The following MOCOS variants were observed in gnomAD, a reference collection of about 807,000 sequenced individuals.
The protein encoded by MOCOS is human molybdenum cofactor sulfurase.
Under a neutral mutation model 83.6 loss-of-function variants are expected in MOCOS, and 86 were observed. The ratio of observed to expected loss-of-function variants is 1.03; its 90% CI spans 0.86 to 1.23. The LOEUF (loss-of-function observed/expected upper bound fraction) is 1.23. Among genes scored for constraint, MOCOS ranks in the 50% most tolerant of loss-of-function variants. The pLI is 0.00. For synonymous variants in MOCOS, 445 were observed against 434.7 expected (o/e 1.02, Z -0.29); for missense variants, 1,120 against 1,126.9 (o/e 0.99, Z 0.09).
intron 9 of MOCOS, among the ~76,000 whole-genome samples, chr18:36,228,157 A>G (rs2091524710): frequency 6.6e-6 from 1 of 152,250 alleles, no homozygotes; most frequent in Non-Finnish European, 1.5e-5. Context: ...CAGAATGAGT[A>G]TTATTAAAAA....
chr18:36,197,385 T>C (rs2091392979), intron 2 of MOCOS, among the ~76,000 whole-genome samples: 3 of 152,288 alleles, frequency 2.0e-5, no homozygotes, highest in South Asian at 4.1e-4. Context: ...CTGGCCTGCT[T>C]CTGAGCTGAC....
Position 36,268,547 on chromosome 18 carries a change from G to A in MOCOS, c.2529G>A (p.Met843Ile). 1 of 1,614,130 alleles carries A rather than the reference G, an allele frequency of 6.2e-7. No individual in the cohort carries two copies. The highest frequency in any genetic ancestry group is 8.5e-7 in the Non-Finnish European group (1 of 1,180,026). Residue 843 changes from methionine (M) to isoleucine (I), a missense_variant, in exon 15 of 15, where the codon ATG becomes ATA. Met to Ile is a conservative substitution (Grantham distance 10, BLOSUM62 1). Coordinates refer to ENST00000261326, the MANE Select transcript of MOCOS (RefSeq NM_017947.4). ...TTTGTTCACAGGTGAACTTTGGCAT[G>A]TACCTGATGCATGCATCATTGGATT... ...ESRETKVNFG[M>I]YLMHASLDLS...
chr18:36,231,388 T>C (rs1359029161), intron 9 of MOCOS, among the ~76,000 whole-genome samples: 1 of 152,222 alleles, frequency 6.6e-6, no homozygotes. Context: ...ATTAAATTAT[T>C]CTTGTTCAAG....
Position 36,268,542 on chromosome 18 carries a change from G to C in MOCOS, c.2524G>C (p.Gly842Arg). 1 of 1,614,052 alleles carries C rather than the reference G, an allele frequency of 6.2e-7. No individual in the cohort carries two copies. The highest frequency in any genetic ancestry group is 2.2e-5 in the East Asian group (1 of 44,878). Residue 842 changes from glycine to arginine, a missense_variant, in exon 15 of 15, where the codon GGC (glycine) becomes CGC (arginine). Physicochemically the swap from Gly to Arg is moderately radical, Grantham distance 125. Coordinates refer to ENST00000261326, the MANE Select transcript of MOCOS (RefSeq NM_017947.4). ...GCTGTTTTGTTCACAGGTGAACTTT[G>C]GCATGTACCTGATGCATGCATCATT... is the stretch of plus-strand genomic sequence containing the variant. ...SESRETKVNFGMYLMHASLDL... is the reference protein window; with the variant it reads ...SESRETKVNFRMYLMHASLDL...
At position 36,270,384 on chromosome 18, in the gene MOCOS, A is replaced by T. The variant is rs1395736647; in HGVS notation, c.*1699A>T. The T allele has an allele frequency of 6.6e-6, 1 of 152,158 alleles. No individual in the cohort carries two copies. The highest frequency in any genetic ancestry group is 1.5e-5 in the Non-Finnish European group (1 of 68,052). The allele number at this position is 152,158 out of a possible 1,614,324, so 9.4% of individuals were successfully genotyped here. A position where few individuals can be genotyped will look rare whatever the true frequency, so the allele number is the denominator to read the frequency against. On this transcript the variant is annotated 3_prime_UTR_variant, in exon 15 of 15. Transcript: ENST00000261326. ...CGCTGACAAATGCATCATATTAATT[A>T]TGATGGAAAACAAGTAAGAAGGCAT...
chr18:36,221,925 G>C (rs369793784), intron 9 of MOCOS, among the ~76,000 whole-genome samples: 1 of 151,926 alleles, frequency 6.6e-6, no homozygotes, highest in South Asian at 2.1e-4. Flanking sequence ...GGGTTTCTCC[G>C]TGTTGGTAAG....
intron 4 of MOCOS, among the ~76,000 whole-genome samples, chr18:36,202,524 A>G (rs2091418444): frequency 6.6e-6 from 1 of 152,128 alleles, no homozygotes; most frequent in Admixed American, 6.5e-5. Context: ...GCCCAAGAAA[A>G]CTGCAGAGTG....
intron 6 of MOCOS, among the ~76,000 whole-genome samples, chr18:36,208,278 G>A (rs2091441791): frequency 6.7e-6 from 1 of 148,742 alleles, no homozygotes; most frequent in Non-Finnish European, 1.5e-5. Flanking sequence ...GGCTATTTGG[G>A]CTCTTTTTTG....
chr18:36,270,477 G>C lies in MOCOS; in HGVS notation c.*1792G>C, dbSNP rs1045317311. The C allele has an allele frequency of 6.6e-6, 1 of 152,080 alleles. No homozygotes were observed. Among genetic ancestry groups the C allele is most frequent in the African/African-American group, 2.4e-5 (1 of 41,414 alleles). 9.4% of individuals were successfully genotyped at this position (152,080 alleles called of 1,614,324 possible). A position where few individuals can be genotyped will look rare whatever the true frequency, so the allele number is the denominator to read the frequency against. ...CACCTGTAATTCCAGCACTTTGGGA[G>C]GCTGACGTGGGCAGATCATGAGGTC... On this transcript the variant is annotated 3_prime_UTR_variant, in exon 15 of 15. Transcript: ENST00000261326.
intron 9 of MOCOS, among the ~76,000 whole-genome samples, chr18:36,227,649 G>A (rs1485436173): frequency 1.3e-5 from 2 of 152,082 alleles, no homozygotes; most frequent in Non-Finnish European, 1.5e-5. Context: ...GCCTGTCTCG[G>A]CCTCCCAAAG....
At position 36,235,831 on chromosome 18, in the gene MOCOS, T is replaced by G. The variant is rs1468988975; in HGVS notation, c.1961-13091T>G. The stretch of plus-strand genomic sequence containing the variant: ...TTTTAATGATTGCCATTCTAACTGG[T>G]GTGAGGTGGTATCTCATTGTGGTTT... On this transcript the variant is annotated intron_variant, in intron 9 of 14. Coordinates refer to ENST00000261326, the MANE Select transcript of MOCOS (RefSeq NM_017947.4). 2.0e-5 allele frequency among the ~76,000 whole-genome samples: 3 copies of G among 146,702 alleles called. No homozygotes were observed. In the East Asian group the frequency reaches 6.0e-4, roughly 29 times the overall value.
At chr18:36,227,399 A>ATT (rs1250536048) in intron 9 of MOCOS, among the ~76,000 whole-genome samples, 2 of 143,078 alleles carry the variant, frequency 1.4e-5, no homozygotes, top group Admixed American at 7.0e-5. Context: ...GCCCAGCTAA[A>ATT]TTTTTTTTTT....
At chr18:36,263,681 C>T (rs577018951) in intron 13 of MOCOS, among the ~76,000 whole-genome samples, 2 of 152,282 alleles carry the variant, frequency 1.3e-5, no homozygotes, top group African/African-American at 4.8e-5. Context: ...AGCCCATGAG[C>T]AGCACCTGTC....
chr18:36,245,113 C>T (rs1042131481), intron 9 of MOCOS, among the ~76,000 whole-genome samples: 18 of 152,086 alleles, frequency 1.2e-4, no homozygotes, highest in Non-Finnish European at 2.2e-4. Context: ...AACATTTAGG[C>T]CATTTACATT....
intron 9 of MOCOS, among the ~76,000 whole-genome samples, chr18:36,231,216 A>G (rs111633591): frequency 0.067 from 10,182 of 152,196 alleles, 423 homozygotes; most frequent in Admixed American, 0.12. Context: ...AATATGATGT[A>G]TTACATTACT....
chr18:36,249,814 G>T (rs185389181), intron 10 of MOCOS, among the ~76,000 whole-genome samples: 1 of 152,232 alleles, frequency 6.6e-6, no homozygotes, highest in East Asian at 1.9e-4. Flanking sequence ...GGTGAGGGGG[G>T]TTATCAAGAC....
At position 36,260,301 on chromosome 18, in the gene MOCOS, G is replaced by T. The variant is rs892570477; in HGVS notation, c.2409+126G>T. On this transcript the variant is annotated intron_variant, in intron 13 of 14. Transcript: ENST00000261326. Reference sequence around the variant, plus strand: ...CCTTGTCTCTTAACTACAAAATCTTGGTGGGAGGTTATGTAAGCTTAGCCT... The same window carrying T: ...CCTTGTCTCTTAACTACAAAATCTTTGTGGGAGGTTATGTAAGCTTAGCCT... 5.6e-6 allele frequency: 7 copies of T among 1,257,228 alleles called. No homozygotes were observed. The African/African-American group carries it at 1.0e-4, about 19-fold the overall frequency. 77.9% of individuals were successfully genotyped at this position (1,257,228 alleles called of 1,614,324 possible). A position where few individuals can be genotyped will look rare whatever the true frequency, so the allele number is the denominator to read the frequency against.
chr18:36,210,234 T>C (rs16967566), intron 6 of MOCOS, among the ~76,000 whole-genome samples: 14,405 of 152,236 alleles, frequency 0.095, 890 homozygotes, highest in African/African-American at 0.17. Flanking sequence ...AATCTTTTTC[T>C]CCACTTTTCT....
intron 9 of MOCOS, among the ~76,000 whole-genome samples, chr18:36,221,861 G>T (rs1248037373): frequency 1.3e-5 from 2 of 151,984 alleles, no homozygotes; most frequent in Non-Finnish European, 2.9e-5. Flanking sequence ...GAGTAGCTGG[G>T]ATTACAGGCA....
Sources: allele counts gnomAD v4.1 joint callset (sites outside exome capture counted in the v4.1 genomes callset), GRCh38; gene constraint gnomAD v4.1.1; transcripts MANE v1.5; gene names NCBI Gene and HGNC (gene_info 2026-07-23, HGNC 2026-07-21).